Variants in SAMD5 observed in about 807,000 individuals in gnomAD.
The protein encoded by SAMD5 is sterile alpha motif domain containing 5.
In SAMD5, 13 loss-of-function variants were observed where a neutral mutation model predicts 11.3. The ratio of observed to expected loss-of-function variants is 1.15; its 90% CI spans 0.75 to 1.83. The LOEUF is 1.83. Ranked by LOEUF, SAMD5 falls within the 40% of genes most tolerant of loss-of-function variation. The pLI is 0.00. For missense variants in SAMD5, 255 were observed against 239.1 expected (o/e 1.07, Z -0.44); for synonymous variants, 129 against 111.3 (o/e 1.16, Z -1.00).
At chr6:147,777,026 G>C in the SAMD5 span, among the ~76,000 whole-genome samples, 5 of 152,166 alleles carry the variant, frequency 3.3e-5, no homozygotes, top group Admixed American at 3.3e-4. Flanking sequence ...TGATTGATTA[G>C]TTTCCATCAG....
rs879516149 is a variant in SAMD5 at position 147,589,346 on chromosome 6, AAC to A, written c.162+79962_162+79963del. Among the ~76,000 whole-genome samples, 7 of 152,254 alleles carry A rather than the reference AAC, an allele frequency of 4.6e-5. No individual in the cohort carries two copies. In the South Asian group the frequency reaches 6.2e-4, roughly 14 times the overall value. ...TTAGTCCATCTATAGGGACTTTTAA[AAC>A]ACCCTCCACATATTTTCCCCACTTC... is the stretch of plus-strand genomic sequence containing the variant. On this transcript the variant is annotated intron_variant, in intron 1 of 1. Coordinates refer to the SAMD5 transcript ENST00000566741.
rs1789077099 is a variant in SAMD5, at chr6:147,568,301, T to C, written c.*3845T>C. The stretch of plus-strand genomic sequence containing the variant: ...TATGAGCATGTCTGAATTTTTCCCT[T>C]ATAAGAGCCTGAGTATTGTAACAGG... On this transcript the variant is annotated 3_prime_UTR_variant, in exon 2 of 2. Transcript: ENST00000367474. 1 of 985,232 alleles carries C rather than the reference T, an allele frequency of 1.0e-6. No homozygotes were observed. Among genetic ancestry groups the C allele is most frequent in the Admixed American group, 6.1e-5 (1 of 16,266 alleles). The allele number at this position is 985,232 out of a possible 1,614,324, so 61.0% of individuals were successfully genotyped here.
the SAMD5 span, among the ~76,000 whole-genome samples, chr6:147,897,346 ATCACCAGCCTT>A: frequency 6.6e-6 from 1 of 152,220 alleles, no homozygotes; most frequent in African/African-American, 2.4e-5. Context: ...CTTGAACTGC[ATCACCAGCCTT>A]ACGTCTGGAC....
At chr6:147,603,272 G>C (rs1789650515) in intron 1 of SAMD5, among the ~76,000 whole-genome samples, 1 of 152,124 alleles carries the variant, frequency 6.6e-6, no homozygotes, top group Non-Finnish European at 1.5e-5. Flanking sequence ...CAGGCCCACA[G>C]ATATATTACC....
At chr6:147,537,548 C>T (rs1049670671) in intron 1 of SAMD5, among the ~76,000 whole-genome samples, 2 of 151,816 alleles carry the variant, frequency 1.3e-5, no homozygotes, top group Non-Finnish European at 2.9e-5. Flanking sequence ...GTCAGGAGAT[C>T]GAGACTATCC....
chr6:147,513,527 TG>T (rs1788121054), intron 1 of SAMD5, among the ~76,000 whole-genome samples: 2 of 152,042 alleles, frequency 1.3e-5, no homozygotes, highest in Non-Finnish European at 2.9e-5. Flanking sequence ...GAGATGCCTG[TG>T]GAATGTCCCT....
intron 1 of SAMD5, among the ~76,000 whole-genome samples, chr6:147,698,283 C>T (rs1474407298): frequency 5.9e-5 from 9 of 152,046 alleles, no homozygotes; most frequent in Non-Finnish European, 1.3e-4. Context: ...GAGGGTTCCA[C>T]CTCAGGACCT....
chr6:147,729,182 C>T (rs991745185), intron 1 of SAMD5, among the ~76,000 whole-genome samples: 1 of 152,152 alleles, frequency 6.6e-6, no homozygotes, highest in Non-Finnish European at 1.5e-5. Flanking sequence ...TATAAGGACA[C>T]CAGTCATATT....
Position 147,566,613 on chromosome 6 carries a change from TC to T in SAMD5, c.*2158del, listed in dbSNP as rs1428720635. Reference sequence around the variant, plus strand: ...TTTTCTATTAGAGTAATATCTAACTTCAATTATTTTGCCAGGTTTAAACCTT... The same window carrying T: ...TTTTCTATTAGAGTAATATCTAACTTAATTATTTTGCCAGGTTTAAACCTT... On this transcript the variant is annotated 3_prime_UTR_variant, in exon 2 of 2. Coordinates refer to ENST00000367474, the MANE Select transcript of SAMD5 (RefSeq NM_001030060.3). The T allele has an allele frequency of 3.1e-6, 3 of 979,570 alleles. No individual in the cohort carries two copies. Among genetic ancestry groups the T allele is most frequent in the African/African-American group, 1.8e-5 (1 of 57,102 alleles). 60.7% of individuals were successfully genotyped at this position (979,570 alleles called of 1,614,324 possible).
chr6:147,518,273 A>C (rs1055691418), intron 1 of SAMD5, among the ~76,000 whole-genome samples: 2 of 152,138 alleles, frequency 1.3e-5, no homozygotes, highest in Non-Finnish European at 2.9e-5. Context: ...CACCTTATCA[A>C]GTCTTAACGT....
intron 1 of SAMD5, among the ~76,000 whole-genome samples, chr6:147,618,650 G>C (rs983412071): frequency 6.6e-6 from 1 of 152,188 alleles, no homozygotes; most frequent in Middle Eastern, 3.2e-3. Context: ...CCAGTCCTTG[G>C]CGGGAGCCCA....
At chr6:147,615,331 A>T (rs1232702250) in intron 1 of SAMD5, among the ~76,000 whole-genome samples, 1 of 152,208 alleles carries the variant, frequency 6.6e-6, no homozygotes, top group Non-Finnish European at 1.5e-5. Flanking sequence ...TTAAAAGCTC[A>T]TTGAAATTTT....
At chr6:147,625,702 G>C (rs999450765) in intron 1 of SAMD5, among the ~76,000 whole-genome samples, 1 of 152,100 alleles carries the variant, frequency 6.6e-6, no homozygotes, top group Non-Finnish European at 1.5e-5. Context: ...TTAGAGGGTC[G>C]TTAAAAGAAA....
chr6:147,515,475 T>TCCA, intron 1 of SAMD5, among the ~76,000 whole-genome samples: 1 of 151,370 alleles, frequency 6.6e-6, no homozygotes, highest in African/African-American at 2.4e-5. Context: ...CATCCATCCA[T>TCCA]TCATTTATTC....
At chr6:147,718,536 A>T (rs11967760) in intron 1 of SAMD5, among the ~76,000 whole-genome samples, 10,547 of 152,224 alleles carry the variant, frequency 0.069, 921 homozygotes, top group African/African-American at 0.2. Flanking sequence ...AATTTACTGA[A>T]GTAGAAAAAG....
intron 1 of SAMD5, among the ~76,000 whole-genome samples, chr6:147,697,102 G>A (rs1188981979): frequency 1.3e-5 from 2 of 152,218 alleles, no homozygotes; most frequent in South Asian, 2.1e-4. Context: ...TTGGGAGGGC[G>A]CTAATCCCAT....
chr6:147,841,360 G>A, the SAMD5 span, among the ~76,000 whole-genome samples: 1 of 152,128 alleles, frequency 6.6e-6, no homozygotes, highest in East Asian at 1.9e-4. Flanking sequence ...GAGCCAGCCA[G>A]CAAACATAAA....
At chr6:147,901,565 A>C in the SAMD5 span, among the ~76,000 whole-genome samples, 11 of 152,196 alleles carry the variant, frequency 7.2e-5, no homozygotes, top group East Asian at 2.1e-3. Context: ...TCATTTTCAC[A>C]TTTGGATGTG....
chr6:147,788,127 A>G, the SAMD5 span, among the ~76,000 whole-genome samples: 213 of 152,352 alleles, frequency 1.4e-3, no homozygotes, highest in Middle Eastern at 3.4e-3. Context: ...AATGGCAGAC[A>G]CTGAACTGAC....
Sources: allele counts gnomAD v4.1 joint callset (sites outside exome capture counted in the v4.1 genomes callset), GRCh38; gene constraint gnomAD v4.1.1; transcripts MANE v1.5; gene names NCBI Gene and HGNC (gene_info 2026-07-23, HGNC 2026-07-21).